ADGRB3: variants seen among roughly 807,000 people sequenced by gnomAD.
ADGRB3 encodes the protein adhesion G protein-coupled receptor B3.
ADGRB3 carries 37 observed loss-of-function variants against 193.4 expected under a neutral mutation model. The observed-to-expected ratio is 0.19, with a 90% CI of 0.15 to 0.25. The LOEUF (loss-of-function observed/expected upper bound fraction) is 0.25, where lower values mean the gene tolerates loss of function less well. Ranked by LOEUF, ADGRB3 falls within the 10% of genes least tolerant of loss-of-function variation. The pLI is 1.00. For missense variants in ADGRB3, 1,637 were observed against 1,852.9 expected (o/e 0.88, Z 2.14); for synonymous variants, 690 against 644.2 (o/e 1.07, Z -1.08).
chr6:69,388,262 G>A lies in ADGRB3; in HGVS notation c.4381-441G>A, dbSNP rs568967590. ...ATTTAATGGAATTCTGTTACCTTGA[G>A]TAACTTTTTATTATCAAATAATATG... On this transcript the variant is annotated intron_variant, in intron 31 of 31. Coordinates refer to ENST00000370598, the MANE Select transcript of ADGRB3 (RefSeq NM_001704.3). Among the ~76,000 whole-genome samples the A allele has an allele frequency of 8.1e-4, 123 of 152,212 alleles. 1 individual carries two copies. In the South Asian group the frequency reaches 0.025, roughly 31 times the overall value.
At chr6:69,297,811 T>C (rs1767862593) in intron 20 of ADGRB3, among the ~76,000 whole-genome samples, 1 of 152,034 alleles carries the variant, frequency 6.6e-6, no homozygotes, top group Admixed American at 6.6e-5. Flanking sequence ...GAAAAATACA[T>C]TTAAAATTGA....
chr6:68,691,636 A>C (rs1765074671), intron 3 of ADGRB3, among the ~76,000 whole-genome samples: 1 of 151,996 alleles, frequency 6.6e-6, no homozygotes, highest in Non-Finnish European at 1.5e-5. Context: ...ATTTAAGGAT[A>C]ATATATTATT....
intron 6 of ADGRB3, among the ~76,000 whole-genome samples, chr6:68,953,292 T>G (rs1767981567): frequency 6.6e-6 from 1 of 152,170 alleles, no homozygotes; most frequent in African/African-American, 2.4e-5. Flanking sequence ...TTTATTCTAG[T>G]CACTCAGCAC....
chr6:69,304,982 T>C (rs1398743562), intron 20 of ADGRB3, among the ~76,000 whole-genome samples: 1 of 151,574 alleles, frequency 6.6e-6, no homozygotes, highest in Non-Finnish European at 1.5e-5. Flanking sequence ...GAGCTCAACA[T>C]GTCTGAGTGT....
chr6:69,354,444 T>C, intron 27 of ADGRB3, 116 bp downstream of exon 27: 2 of 826,482 alleles, frequency 2.4e-6, no homozygotes, highest in Non-Finnish European at 4.0e-6. Context: ...TTGGCTTCAG[T>C]TCATTAATAG....
At chr6:68,773,756 T>C (rs1010640140) in intron 3 of ADGRB3, among the ~76,000 whole-genome samples, 2 of 152,094 alleles carry the variant, frequency 1.3e-5, no homozygotes, top group Non-Finnish European at 2.9e-5. Context: ...TGGGAAGAGA[T>C]GTATAAGCTA....
chr6:69,062,097 T>C (rs1746626912), intron 15 of ADGRB3, among the ~76,000 whole-genome samples: 1 of 151,976 alleles, frequency 6.6e-6, no homozygotes, highest in South Asian at 2.1e-4. Context: ...CAAACAGGAA[T>C]ATATTCACAC....
chr6:68,793,680 C>T (rs1006817053), intron 3 of ADGRB3, among the ~76,000 whole-genome samples: 4 of 152,130 alleles, frequency 2.6e-5, no homozygotes, highest in African/African-American at 9.7e-5. Flanking sequence ...AGGCGCGTGC[C>T]ACCATGCTCG....
At chr6:68,772,882 C>CAAACAAA (rs1378074569) in intron 3 of ADGRB3, among the ~76,000 whole-genome samples, 4 of 23,924 alleles carry the variant, frequency 1.7e-4, no homozygotes, top group East Asian at 3.6e-3. Context: ...AACAAACAAA[C>CAAACAAA]AAAAAAAAAA....
Position 69,361,389 on chromosome 6 carries a change from T to C in ADGRB3, c.4116T>C (p.His1372=). The change falls in exon 29 of 32, where the codon CAT becomes CAC. Residue 1372 remains histidine (H), a synonymous_variant. Coordinates refer to ENST00000370598, the MANE Select transcript of ADGRB3 (RefSeq NM_001704.3). ...NLEQHLAPQE[H]MQNLPFEPRT... is the part of the protein sequence containing the mutation. ...AGCAACATCTCGCACCCCAGGAACA[T>C]ATGCAGAATTTGCCCTTTGAACCTC... is the stretch of plus-strand genomic sequence containing the variant. The C allele has an allele frequency of 1.2e-6, 2 of 1,613,038 alleles. No homozygotes were observed. Among genetic ancestry groups the C allele is most frequent in the Non-Finnish European group, 1.7e-6 (2 of 1,179,258 alleles).
At chr6:68,930,226 T>TA (rs1435331856) in intron 3 of ADGRB3, among the ~76,000 whole-genome samples, 1 of 152,036 alleles carries the variant, frequency 6.6e-6, no homozygotes, top group East Asian at 1.9e-4. Context: ...ATTCTCTCTC[T>TA]AAAAAAACAA....
At chr6:68,653,068 G>T (rs1023060472) in intron 3 of ADGRB3, among the ~76,000 whole-genome samples, 3 of 152,072 alleles carry the variant, frequency 2.0e-5, no homozygotes, top group African/African-American at 7.2e-5. Context: ...AAGTGACATT[G>T]CTCACTTCTG....
intron 3 of ADGRB3, among the ~76,000 whole-genome samples, chr6:68,887,866 A>G (rs1450697576): frequency 2.0e-5 from 3 of 152,156 alleles, no homozygotes; most frequent in Non-Finnish European, 4.4e-5. Context: ...TGTATCAGAT[A>G]TGTGGCACAA....
Position 69,076,056 on chromosome 6 carries a change from T to C in ADGRB3, c.2480+18T>C, listed in dbSNP as rs1210070571. On this transcript the variant is annotated intron_variant, in intron 17 of 31. Coordinates refer to ENST00000370598, the MANE Select transcript of ADGRB3 (RefSeq NM_001704.3). Reference sequence around the variant, plus strand: ...TCCAAAACGTAAGTGACAGATGTTTTCCTACATTACTTTGGGCTAAATTTT... The same window carrying C: ...TCCAAAACGTAAGTGACAGATGTTTCCCTACATTACTTTGGGCTAAATTTT... 15 of 1,610,064 alleles carry C rather than the reference T, an allele frequency of 9.3e-6. No homozygotes were observed. The highest frequency in any genetic ancestry group is 3.3e-4 in the Middle Eastern group (2 of 6,048).
chr6:68,751,120 A>G (rs1477088844), intron 3 of ADGRB3, among the ~76,000 whole-genome samples: 1 of 152,218 alleles, frequency 6.6e-6, no homozygotes, highest in East Asian at 1.9e-4. Context: ...AGCTAAGTCC[A>G]GGCTCTACTA....
chr6:68,824,392 A>C (rs1424475213), intron 3 of ADGRB3, among the ~76,000 whole-genome samples: 1 of 150,706 alleles, frequency 6.6e-6, no homozygotes, highest in Non-Finnish European at 1.5e-5. Flanking sequence ...TTACTAAGGT[A>C]TAATTTACAT....
At chr6:68,904,853 A>G (rs1307209014) in intron 3 of ADGRB3, among the ~76,000 whole-genome samples, 1 of 152,178 alleles carries the variant, frequency 6.6e-6, no homozygotes, top group African/African-American at 2.4e-5. Flanking sequence ...GCATTCCTTC[A>G]ATAAACACCC....
At chr6:68,739,117 A>G (rs188814942) in intron 3 of ADGRB3, among the ~76,000 whole-genome samples, 4 of 152,314 alleles carry the variant, frequency 2.6e-5, no homozygotes, top group East Asian at 1.9e-4. Context: ...TTAGAAACGT[A>G]GCGATCATTG....
chr6:69,342,099 T>C (rs1768986517), intron 26 of ADGRB3, among the ~76,000 whole-genome samples: 4 of 152,138 alleles, frequency 2.6e-5, no homozygotes, highest in Admixed American at 2.6e-4. Flanking sequence ...TACTTGCTAA[T>C]TGGACTATTA....
Sources: allele counts gnomAD v4.1 joint callset (sites outside exome capture counted in the v4.1 genomes callset), GRCh38; gene constraint gnomAD v4.1.1; transcripts MANE v1.5; gene names NCBI Gene and HGNC (gene_info 2026-07-23, HGNC 2026-07-21).